The following MLF2 variants were observed in gnomAD, a reference collection of about 807,000 sequenced individuals.
The protein encoded by MLF2 is myeloid leukemia factor 2.
Under a neutral mutation model 31.4 loss-of-function variants are expected in MLF2, and 12 were observed. The observed-to-expected ratio is 0.38, with a 90% CI of 0.24 to 0.62. MLF2 has a LOEUF of 0.62. MLF2 is among the 20% of genes least tolerant of loss of function. The pLI, the probability that MLF2 is intolerant of heterozygous loss-of-function variation, is 0.58. For missense variants in MLF2, 272 were observed against 359.7 expected, an observed-to-expected ratio of 0.76 and a Z score of 1.97; for synonymous variants, 109 against 118.8, an observed-to-expected ratio of 0.92 and a Z score of 0.54.
chr12:6,753,133 G>A lies in MLF2; in HGVS notation c.-223C>T, dbSNP rs948847215. 1.3e-5 allele frequency: 5 copies of A among 394,050 alleles called. No homozygotes were observed. The highest frequency in any genetic ancestry group is 1.8e-5 in the Non-Finnish European group (4 of 223,658). 24.4% of individuals were successfully genotyped at this position (394,050 alleles called of 1,614,324 possible). On this transcript the variant is annotated 5_prime_UTR_variant, in exon 1 of 9. Coordinates refer to ENST00000203630, the MANE Select transcript of MLF2 (RefSeq NM_001382226.1). Reference sequence around the variant, plus strand: ...GGAGCCCGAACCTCGGCCAGGCCCGGGCGGAAGTGACGTCACGATAGACCC... The same window carrying A: ...GGAGCCCGAACCTCGGCCAGGCCCGAGCGGAAGTGACGTCACGATAGACCC...
rs374903615 is a variant in MLF2, at chr12:6,749,015, T to G, written c.560-33A>C. On this transcript the variant is annotated intron_variant, in intron 7 of 8. Coordinates refer to ENST00000203630, the MANE Select transcript of MLF2 (RefSeq NM_001382226.1). The surrounding 1 kb of genome is among the most constrained non-coding windows in gnomAD (Gnocchi z 5.3). ...GGACAGAGCGGACATGAGGCCTGTG[T>G]GCGGCCTGGCTCCTGGAGGCCGATG... The G allele has an allele frequency of 4.0e-6, 6 of 1,516,946 alleles. No individual in the cohort carries two copies. The highest frequency in any genetic ancestry group is 5.3e-6 in the Non-Finnish European group (6 of 1,141,118). The allele number at this position is 1,516,946 out of a possible 1,614,324, so 94.0% of individuals were successfully genotyped here.
Position 6,752,034 on chromosome 12 carries a change from C to T in MLF2, c.71G>A (p.Arg24His), listed in dbSNP as rs1298621066. Reference protein sequence around the residue: ...MFLMDPFAIHRQHMSRMLSGG... With the variant: ...MFLMDPFAIHHQHMSRMLSGG... ...TGACAACATACGGCTCATATGCTGA[C>T]GGTGAATAGCAAAGGGATCCCTGTG... Residue 24 changes from arginine (R) to histidine (H), a missense_variant, in exon 3 of 9, where the codon CGT becomes CAT. Arg to His is a conservative substitution (Grantham distance 29). Transcript: ENST00000203630. This position sits in a 1 kb window ranked among gnomAD's most constrained non-coding sequence, Gnocchi z 4.6. 8 of 1,614,132 alleles carry T rather than the reference C, an allele frequency of 5.0e-6. No homozygotes were observed. The highest frequency in any genetic ancestry group is 1.7e-4 in the Middle Eastern group (1 of 6,054).
In MLF2 at chr12:6,750,021, G is replaced by C; in HGVS notation, c.400-14C>G. On this transcript the variant is annotated splice_polypyrimidine_tract_variant and intron_variant, in intron 6 of 8. Transcript: ENST00000203630. The surrounding 1 kb of genome is among the most constrained non-coding windows in gnomAD (Gnocchi z 5.3). ...TGTCTCCCGGATCTGGGATGAGGCA[G>C]AACGTGGCACACTCAGCCGCCCCTT... The C allele has an allele frequency of 1.9e-6, 3 of 1,613,950 alleles. No individual in the cohort carries two copies. The highest frequency in any genetic ancestry group is 2.5e-6 in the Non-Finnish European group (3 of 1,179,898).
Position 6,751,945 on chromosome 12 carries a change from C to A in MLF2, c.160G>T (p.Ala54Ser), listed in dbSNP as rs1159262803. 6.2e-7 allele frequency: 1 copy of A among 1,614,088 alleles called. No individual in the cohort carries two copies. Among genetic ancestry groups the A allele is most frequent in the Non-Finnish European group, 8.5e-7 (1 of 1,180,040 alleles). Residue 54 changes from alanine to serine, a missense_variant, in exon 3 of 9, where the codon GCC becomes TCC. Ala to Ser is a moderately conservative substitution (Grantham distance 99, BLOSUM62 1). Transcript: ENST00000203630. ...TDGNMPGTRP[A>S]SRRMQQAGAV... Reference sequence around the variant, plus strand: ...ATTACCTGCTGCATCCGGCGGCTGGCAGGCCTGGTCCCTGGCATGTTGCCA... The same window carrying A: ...ATTACCTGCTGCATCCGGCGGCTGGAAGGCCTGGTCCCTGGCATGTTGCCA...
At position 6,752,403 on chromosome 12, in the gene MLF2, G is replaced by A. The variant is rs1592485674; in HGVS notation, c.-28-41C>T. The A allele has an allele frequency of 6.7e-7, 1 of 1,493,032 alleles. No individual in the cohort carries two copies. Among genetic ancestry groups the A allele is most frequent in the Non-Finnish European group, 9.1e-7 (1 of 1,095,230 alleles). The allele number at this position is 1,493,032 out of a possible 1,614,324, so 92.5% of individuals were successfully genotyped here. On this transcript the variant is annotated intron_variant, in intron 1 of 8. Coordinates refer to ENST00000203630, the MANE Select transcript of MLF2 (RefSeq NM_001382226.1). This position sits in a 1 kb window ranked among gnomAD's most constrained non-coding sequence, Gnocchi z 4.6. Reference sequence around the variant, plus strand: ...AGCTCAGATACTTGGAGGTGGCCAGGGTTTTGCACACCCACTCAGTGTGGG... The same window carrying A: ...AGCTCAGATACTTGGAGGTGGCCAGAGTTTTGCACACCCACTCAGTGTGGG...
Position 6,752,192 on chromosome 12 carries a change from G to T in MLF2, c.50+93C>A, listed in dbSNP as rs1480131555. On this transcript the variant is annotated intron_variant, in intron 2 of 8. Transcript: ENST00000203630. The surrounding 1 kb of genome is among the most constrained non-coding windows in gnomAD (Gnocchi z 4.6). ...TAGGTAGGAGCTAGGTATCCAGCCA[G>T]TTCCAACCATTCCTAGCAATGGGAA... 6.5e-7 allele frequency: 1 copy of T among 1,541,066 alleles called. No individual in the cohort carries two copies. The highest frequency in any genetic ancestry group is 1.9e-5 in the Admixed American group (1 of 51,564).
In MLF2 at chr12:6,748,918, G is replaced by A. The variant is rs760218436; in HGVS notation, c.624C>T (p.Pro208=). 3 of 1,602,648 alleles carry A rather than the reference G, an allele frequency of 1.9e-6. No homozygotes were observed. The highest frequency in any genetic ancestry group is 1.7e-6 in the Non-Finnish European group (2 of 1,175,116). The change falls in exon 8 of 9, where the codon CCC becomes CCT. Residue 208 remains proline, a synonymous_variant. Coordinates refer to ENST00000203630, the MANE Select transcript of MLF2 (RefSeq NM_001382226.1). The surrounding 1 kb of genome is among the most constrained non-coding windows in gnomAD (Gnocchi z 4.6). ...RETSRFRQQR[P]LEFRRLESSG... ...AGGACTCAAGCCGCCGAAACTCCAGGGGACGCTGCTGCCGGAATCGGGAGG... is the reference window on the plus strand; with the variant it reads ...AGGACTCAAGCCGCCGAAACTCCAGAGGACGCTGCTGCCGGAATCGGGAGG...
In MLF2 at chr12:6,750,802, C is replaced by T; in HGVS notation, c.217-36G>A. ...GAGATGGAAAACAGAGTCAGGAAAG[C>T]AAAGTCAGTGTTCAGAGTTGATCCT... On this transcript the variant is annotated intron_variant, in intron 4 of 8. Coordinates refer to ENST00000203630, the MANE Select transcript of MLF2 (RefSeq NM_001382226.1). The surrounding 1 kb of genome is among the most constrained non-coding windows in gnomAD (Gnocchi z 5.3). The T allele has an allele frequency of 6.2e-7, 1 of 1,600,568 alleles. No individual in the cohort carries two copies. Among genetic ancestry groups the T allele is most frequent in the Non-Finnish European group, 8.6e-7 (1 of 1,168,162 alleles).
At position 6,749,199 on chromosome 12, in the gene MLF2, G is replaced by A. The variant is rs6489733; in HGVS notation, c.560-217C>T. On this transcript the variant is annotated intron_variant, in intron 7 of 8. Transcript: ENST00000203630. The surrounding 1 kb of genome is among the most constrained non-coding windows in gnomAD (Gnocchi z 5.3). ...GCCTACTGGAGGAAGAAATCAGAAT[G>A]GGATTATTCTTCAGTTCAGGTTCAC... Among the ~76,000 whole-genome samples, 18,557 of 152,220 alleles carry A rather than the reference G, an allele frequency of 0.12. 1,229 individuals are homozygous for A. The highest frequency in any genetic ancestry group is 0.13 in the Admixed American group (2,047 of 15,286).
chr12:6,752,283 AC>A lies in MLF2; in HGVS notation c.50+1del. ...AGAGCTTGAGGGGGAGGGAATACTC[AC>A]ATCAGGAACATGGGATCCTCAGGCT... On this transcript the variant is annotated splice_donor_variant, in intron 2 of 8. Transcript: ENST00000203630. LOFTEE classifies it high-confidence loss of function. This position sits in a 1 kb window ranked among gnomAD's most constrained non-coding sequence, Gnocchi z 4.6. 1 of 1,560,776 alleles carries A rather than the reference AC, an allele frequency of 6.4e-7. No individual in the cohort carries two copies. Among genetic ancestry groups the A allele is most frequent in the Non-Finnish European group, 8.7e-7 (1 of 1,151,518 alleles).
Position 6,748,924 on chromosome 12 carries a change from C to T in MLF2, c.618G>A (p.Gln206=). ...WRRETSRFRQ[Q]RPLEFRRLES... ...CAAGCCGCCGAAACTCCAGGGGACG[C>T]TGCTGCCGGAATCGGGAGGTCTCCC... is the stretch of plus-strand genomic sequence containing the variant. Residue 206 remains glutamine, a synonymous_variant, in exon 8 of 9, where the codon CAG becomes CAA. Transcript: ENST00000203630. The surrounding 1 kb of genome is among the most constrained non-coding windows in gnomAD (Gnocchi z 4.6). 1 of 1,603,180 alleles carries T rather than the reference C, an allele frequency of 6.2e-7. No homozygotes were observed. Among genetic ancestry groups the T allele is most frequent in the Non-Finnish European group, 8.5e-7 (1 of 1,175,302 alleles).
At position 6,751,629 on chromosome 12, in the gene MLF2, A is replaced by G; in HGVS notation, c.216+12T>C. The G allele has an allele frequency of 1.9e-6, 3 of 1,613,056 alleles. No individual in the cohort carries two copies. The East Asian group carries it at 6.7e-5, about 36-fold the overall frequency. On this transcript the variant is annotated intron_variant, in intron 4 of 8. Transcript: ENST00000203630. ...GTCTGAGATGGAAGGACACAGGGAG[A>G]TAAAGACTCACCATTCCCAGCATCC...
Position 6,750,329 on chromosome 12 carries a change from G to A in MLF2, c.271-24C>T. 2 of 1,610,796 alleles carry A rather than the reference G, an allele frequency of 1.2e-6. No homozygotes were observed. The highest frequency in any genetic ancestry group is 1.7e-6 in the Non-Finnish European group (2 of 1,178,068). On this transcript the variant is annotated intron_variant, in intron 5 of 8. Transcript: ENST00000203630. This position sits in a 1 kb window ranked among gnomAD's most constrained non-coding sequence, Gnocchi z 5.3. ...TCCTGAGGACAGGGTAGGTAGGGGA[G>A]GGCTGAATGGGGAGGCATCACCCCT... is the stretch of plus-strand genomic sequence containing the variant.
Position 6,748,617 on chromosome 12 carries a change from G to A in MLF2, c.*26-70C>T, listed in dbSNP as rs1188572182. 13 of 575,856 alleles carry A rather than the reference G, an allele frequency of 2.3e-5. No individual in the cohort carries two copies. The highest frequency in any genetic ancestry group is 5.9e-5 in the African/African-American group (3 of 50,858). The allele number at this position is 575,856 out of a possible 1,614,324, so 35.7% of individuals were successfully genotyped here. On this transcript the variant is annotated intron_variant, in intron 8 of 8. Transcript: ENST00000203630. The surrounding 1 kb of genome is among the most constrained non-coding windows in gnomAD (Gnocchi z 4.6). ...AACTTACGTTAAGAGCCAGGAGTTG[G>A]GGTTTAATCCCCTATGTCAGTGAGA...
rs71932726 is a variant in MLF2 at position 6,749,302 on chromosome 12, TGGA to T, written c.560-323_560-321del. Among the ~76,000 whole-genome samples the T allele has an allele frequency of 0.12, 18,531 of 152,104 alleles. 1,216 individuals carry two copies. The highest frequency in any genetic ancestry group is 0.13 in the Admixed American group (2,045 of 15,278). Reference sequence around the variant, plus strand: ...GAGGGGAGAAAGAAACGGATCAAGGTGGAGAAGGGTGTAACACTATCAATACGG... The same window carrying T: ...GAGGGGAGAAAGAAACGGATCAAGGTGAAGGGTGTAACACTATCAATACGG... On this transcript the variant is annotated intron_variant, in intron 7 of 8. Transcript: ENST00000203630. The surrounding 1 kb of genome is among the most constrained non-coding windows in gnomAD (Gnocchi z 5.3).
chr12:6,748,842 C>T lies in MLF2; in HGVS notation c.700G>A (p.Gly234Arg). The T allele has an allele frequency of 6.4e-7, 1 of 1,574,230 alleles. No homozygotes were observed. The highest frequency in any genetic ancestry group is 8.6e-7 in the Non-Finnish European group (1 of 1,165,322). Residue 234 changes from glycine to arginine, a missense_variant, in exon 8 of 9, where the codon GGA becomes AGA. Transcript: ENST00000203630. This position sits in a 1 kb window ranked among gnomAD's most constrained non-coding sequence, Gnocchi z 4.6. ...AEGPPRLAIQ[G>R]PEDSPSRQSR... Reference sequence around the variant, plus strand: ...TGTCGGGAAGGGGAGTCCTCAGGTCCCTGGATGGCCAGGCGGGGAGGCCCC... The same window carrying T: ...TGTCGGGAAGGGGAGTCCTCAGGTCTCTGGATGGCCAGGCGGGGAGGCCCC...
At position 6,751,131 on chromosome 12, in the gene MLF2, TC is replaced by T; in HGVS notation, c.217-366del. 5 of 290,676 alleles carry T rather than the reference TC, an allele frequency of 1.7e-5. No individual in the cohort carries two copies. The South Asian group carries it at 1.9e-4, about 11-fold the overall frequency. 18.0% of individuals were successfully genotyped at this position (290,676 alleles called of 1,614,324 possible). ...CTCTAGTTGGCCCTTTAACTGCACT[TC>T]CCTCCTCAAAAGAACAAATTTTGCT... On this transcript the variant is annotated intron_variant, in intron 4 of 8. Coordinates refer to ENST00000203630, the MANE Select transcript of MLF2 (RefSeq NM_001382226.1).
In MLF2 at chr12:6,750,910, T is replaced by C; in HGVS notation, c.217-144A>G. 1 of 722,938 alleles carries C rather than the reference T, an allele frequency of 1.4e-6. No individual in the cohort carries two copies. The highest frequency in any genetic ancestry group is 2.4e-6 in the Non-Finnish European group (1 of 410,076). 44.8% of individuals were successfully genotyped at this position (722,938 alleles called of 1,614,324 possible). ...CTAGCAAGTTCTCTTTCTCATTCTG[T>C]TAAAATAACCAGAATACTCATATTT... is the stretch of plus-strand genomic sequence containing the variant. On this transcript the variant is annotated intron_variant, in intron 4 of 8. Transcript: ENST00000203630. This position sits in a 1 kb window ranked among gnomAD's most constrained non-coding sequence, Gnocchi z 5.3.
Position 6,750,313 on chromosome 12 carries a change from C to A in MLF2, c.271-8G>T, listed in dbSNP as rs988435948. ...TCCAGCTGTCATGTGTTCCTGAGGA[C>A]AGGGTAGGTAGGGGAGGGCTGAATG... On this transcript the variant is annotated splice_region_variant and splice_polypyrimidine_tract_variant and intron_variant, in intron 5 of 8. Transcript: ENST00000203630. This position sits in a 1 kb window ranked among gnomAD's most constrained non-coding sequence, Gnocchi z 5.3. 3.1e-6 allele frequency: 5 copies of A among 1,613,446 alleles called. No homozygotes were observed. In the African/African-American group the frequency reaches 6.7e-5, roughly 22 times the overall value.
Sources: allele counts gnomAD v4.1 joint callset (sites outside exome capture counted in the v4.1 genomes callset), GRCh38; gene constraint gnomAD v4.1.1; non-coding constraint Gnocchi (gnomAD v3.1); transcripts MANE v1.5; gene names NCBI Gene and HGNC (gene_info 2026-07-23, HGNC 2026-07-21).